Variants in PIK3C3 observed in about 807,000 individuals in gnomAD.
PIK3C3 encodes the protein PI3-kinase type 3.
PIK3C3 carries 95 observed loss-of-function variants against 126.1 expected under a neutral mutation model. The ratio of observed to expected loss-of-function variants is 0.75; its 90% confidence interval spans 0.64 to 0.89. PIK3C3 has a LOEUF of 0.89. Ranked by LOEUF, PIK3C3 falls within the 40% of genes least tolerant of loss-of-function variation. The pLI is 0.00. For synonymous variants in PIK3C3, 374 were observed against 360.0 expected, an observed-to-expected ratio of 1.04 and a Z score of -0.44; for missense variants, 829 against 1,063.2, an observed-to-expected ratio of 0.78 and a Z score of 3.06.
At chr18:41,957,825 T>C (rs777215179) in intron 2 of PIK3C3, 67 bp downstream of exon 2, 1 of 1,210,058 alleles carries the variant, frequency 8.3e-7, no homozygotes, top group African/African-American at 1.5e-5. Flanking sequence ...ATGCTGCAAG[T>C]ATAATTTAGT....
rs1986383658 is a variant in PIK3C3, at chr18:42,085,661, TAAG to T, written c.*4528_*4530del. The T allele has an allele frequency of 6.6e-6, 1 of 152,146 alleles. No homozygotes were observed. The highest frequency in any genetic ancestry group is 1.5e-5 in the Non-Finnish European group (1 of 68,014). The allele number at this position is 152,146 out of a possible 1,614,324, so 9.4% of individuals were successfully genotyped here. Reference sequence around the variant, plus strand: ...TAATTTTACCAAATAACCCCCTAAATAAGAAGTCTGATTTATCTAAAATAGAAG... The same window carrying T: ...TAATTTTACCAAATAACCCCCTAAATAAGTCTGATTTATCTAAAATAGAAG... On this transcript the variant is annotated 3_prime_UTR_variant, in exon 25 of 25. Coordinates refer to ENST00000262039, the MANE Select transcript of PIK3C3 (RefSeq NM_002647.4).
intron 10 of PIK3C3, among the ~76,000 whole-genome samples, chr18:42,009,809 C>T (rs1982735085): frequency 6.6e-6 from 1 of 151,886 alleles, no homozygotes; most frequent in Non-Finnish European, 1.5e-5. Flanking sequence ...ATGTACATAT[C>T]TTTTTTTAAA....
At chr18:42,009,977 C>T (rs1242248220) in intron 10 of PIK3C3, among the ~76,000 whole-genome samples, 1 of 152,082 alleles carries the variant, frequency 6.6e-6, no homozygotes, top group Non-Finnish European at 1.5e-5. Context: ...ATAAAACGAA[C>T]GTAAACTTTG....
intron 12 of PIK3C3, among the ~76,000 whole-genome samples, chr18:42,017,797 G>T (rs554195565): frequency 6.6e-6 from 1 of 151,608 alleles, no homozygotes; most frequent in East Asian, 1.9e-4. Flanking sequence ...GAATTTTTTT[G>T]TAGCCTTATA....
intron 24 of PIK3C3, among the ~76,000 whole-genome samples, chr18:42,073,533 G>T (rs925295365): frequency 6.6e-6 from 1 of 152,130 alleles, no homozygotes; most frequent in Non-Finnish European, 1.5e-5. Context: ...TACGCTGAAG[G>T]TGATCCCAAA....
At chr18:42,002,961 C>T (rs376892037) in intron 9 of PIK3C3, among the ~76,000 whole-genome samples, 14 of 152,242 alleles carry the variant, frequency 9.2e-5, no homozygotes, top group Middle Eastern at 3.4e-3. Context: ...GGGAATGGAG[C>T]GCCTTAATGG....
intron 24 of PIK3C3, among the ~76,000 whole-genome samples, chr18:42,076,195 C>CAT (rs201249454): frequency 0.11 from 11,733 of 111,368 alleles, 960 homozygotes; most frequent in East Asian, 0.23. Flanking sequence ...TATATATGCA[C>CAT]ACATATATAT....
chr18:42,069,342 G>A (rs957862996), intron 24 of PIK3C3, among the ~76,000 whole-genome samples: 1 of 152,192 alleles, frequency 6.6e-6, no homozygotes, highest in African/African-American at 2.4e-5. Context: ...GAATATTTTA[G>A]AGGTATAGGG....
chr18:41,991,343 C>T (rs549248225), intron 6 of PIK3C3, among the ~76,000 whole-genome samples: 3 of 151,710 alleles, frequency 2.0e-5, no homozygotes, highest in African/African-American at 7.3e-5. Flanking sequence ...GGCAACATGG[C>T]GAGACTCCAT....
intron 3 of PIK3C3, among the ~76,000 whole-genome samples, chr18:41,966,601 C>G (rs1980384118): frequency 6.6e-6 from 1 of 151,976 alleles, no homozygotes; most frequent in Non-Finnish European, 1.5e-5. Context: ...TGGGTAATAG[C>G]AAGACTAAAT....
chr18:41,958,529 C>T (rs551465045), intron 2 of PIK3C3, among the ~76,000 whole-genome samples: 10 of 152,234 alleles, frequency 6.6e-5, no homozygotes, highest in Admixed American at 2.0e-4. Context: ...CAGGTGTCAC[C>T]CAGTGTAGCT....
At chr18:41,995,491 TG>T (rs559770906) in intron 7 of PIK3C3, among the ~76,000 whole-genome samples, 162 of 152,296 alleles carry the variant, frequency 1.1e-3, no homozygotes, top group African/African-American at 3.8e-3. Flanking sequence ...CTTAAATAAC[TG>T]CTAAGATGAT....
intron 20 of PIK3C3, among the ~76,000 whole-genome samples, chr18:42,046,921 A>G (rs1984582652): frequency 6.6e-6 from 1 of 152,172 alleles, no homozygotes; most frequent in Admixed American, 6.5e-5. Flanking sequence ...CAACGTATTT[A>G]TGACCATAAT....
intron 22 of PIK3C3, among the ~76,000 whole-genome samples, chr18:42,061,591 A>AT (rs1485364845): frequency 2.0e-5 from 3 of 150,882 alleles, no homozygotes; most frequent in Non-Finnish European, 2.9e-5. Context: ...AAAAAAAAAA[A>AT]GTGGCCTTTA....
intron 24 of PIK3C3, among the ~76,000 whole-genome samples, chr18:42,076,334 T>A (rs1467171995): frequency 1.3e-5 from 2 of 151,620 alleles, no homozygotes; most frequent in Admixed American, 1.3e-4. Flanking sequence ...AAAATTTTAC[T>A]TGTAAATTTA....
intron 18 of PIK3C3, among the ~76,000 whole-genome samples, chr18:42,039,556 C>T (rs1047607216): frequency 2.6e-5 from 4 of 152,240 alleles, no homozygotes; most frequent in African/African-American, 9.6e-5. Flanking sequence ...GCATCCTGGG[C>T]TTTAGCCATA....
intron 13 of PIK3C3, among the ~76,000 whole-genome samples, chr18:42,025,063 T>C (rs1983501956): frequency 1.3e-5 from 2 of 151,052 alleles, no homozygotes; most frequent in East Asian, 2.0e-4. Context: ...CCGCCCACCT[T>C]GGCCTCCCAA....
chr18:41,987,688 C>T lies in PIK3C3; in HGVS notation c.532-124C>T, dbSNP rs113837314. ...GCCAAGTTTCTTATCCTGCTAATTG[C>T]GTATGGTTTCTATTGTGTATAGGAA... On this transcript the variant is annotated intron_variant, in intron 4 of 24. Coordinates refer to ENST00000262039, the MANE Select transcript of PIK3C3 (RefSeq NM_002647.4). 4.6e-5 allele frequency: 24 copies of T among 524,570 alleles called. 1 individual carries two copies. Among genetic ancestry groups the T allele is most frequent in the African/African-American group, 2.0e-4 (10 of 50,154 alleles). The allele number at this position is 524,570 out of a possible 1,614,324, so 32.5% of individuals were successfully genotyped here.
chr18:42,076,745 A>T (rs1986049178), intron 24 of PIK3C3, among the ~76,000 whole-genome samples: 1 of 152,188 alleles, frequency 6.6e-6, no homozygotes, highest in African/African-American at 2.4e-5. Context: ...CATTCATACA[A>T]ATTTAATTTT....
Sources: gnomAD v4.1 joint callset for allele counts (sites outside exome capture counted in the v4.1 genomes callset) on GRCh38, gnomAD v4.1.1 for gene constraint, MANE v1.5 for transcripts, NCBI Gene and HGNC (gene_info 2026-07-23, HGNC 2026-07-21) for gene names.